Variants in COL11A1 observed in about 807,000 individuals in gnomAD.
COL11A1 encodes collagen alpha-1(XI) chain.
Under a neutral mutation model 265.2 loss-of-function variants are expected in COL11A1, and 74 were observed. The observed-to-expected ratio is 0.28, with a 90% confidence interval of 0.23 to 0.34. The LOEUF (loss-of-function observed/expected upper bound fraction) is 0.34. Ranked by LOEUF, COL11A1 falls within the 10% of genes least tolerant of loss-of-function variation. The pLI is 1.00. For synonymous variants in COL11A1, 816 were observed against 727.6 expected (o/e 1.12, Z -1.96); for missense variants, 2,165 against 2,263.6 (o/e 0.96, Z 0.88).
rs779597073 is a variant in COL11A1, at chr1:102,939,101, G to T, written c.3385-13C>A. On this transcript the variant is annotated splice_polypyrimidine_tract_variant and intron_variant, in intron 43 of 66. Transcript: ENST00000370096. ...CACCAATTTCACCCTGAAATTGAAAGATTTGACTTAGAGTTTATCTCTAAC... is the reference window on the plus strand; with the variant it reads ...CACCAATTTCACCCTGAAATTGAAATATTTGACTTAGAGTTTATCTCTAAC... 7 of 1,612,290 alleles carry T rather than the reference G, an allele frequency of 4.3e-6. No individual in the cohort carries two copies. Among genetic ancestry groups the T allele is most frequent in the South Asian group, 3.3e-5 (3 of 91,046 alleles).
intron 1 of COL11A1, among the ~76,000 whole-genome samples, chr1:103,099,043 TCAA>T (rs1375569172): frequency 6.6e-6 from 1 of 151,786 alleles, no homozygotes; most frequent in Admixed American, 6.6e-5. Context: ...ATTAGCAATG[TCAA>T]CAACGCCCTC....
chr1:103,024,378 T>C (rs992517037), intron 7 of COL11A1, among the ~76,000 whole-genome samples: 8 of 152,200 alleles, frequency 5.3e-5, no homozygotes, highest in Non-Finnish European at 5.9e-5. Context: ...CATTTTTAAG[T>C]AACTCATTTT....
chr1:102,904,576 A>G lies in COL11A1; in HGVS notation c.4087-5582T>C, dbSNP rs376420611. ...AAAAGTGGGTGAAGGATATGAACAG[A>G]CAGTTCTCAAAAGAAGATATTTATG... On this transcript the variant is annotated intron_variant, in intron 54 of 66. Coordinates refer to ENST00000370096, the MANE Select transcript of COL11A1 (RefSeq NM_001854.4). Among the ~76,000 whole-genome samples the G allele has an allele frequency of 4.6e-5, 7 of 152,024 alleles. No homozygotes were observed. The East Asian group carries it at 1.2e-3, about 25-fold the overall frequency.
chr1:103,051,192 C>G (rs544303570), intron 4 of COL11A1, among the ~76,000 whole-genome samples: 2 of 152,284 alleles, frequency 1.3e-5, no homozygotes, highest in South Asian at 2.1e-4. Context: ...TGTGCCCTGC[C>G]CCCAGAGGTG....
In COL11A1 at chr1:102,920,351, G is replaced by A. The variant is rs151195708; in HGVS notation, c.3722C>T (p.Pro1241Leu). 1 of 1,612,992 alleles carries A rather than the reference G, an allele frequency of 6.2e-7. No homozygotes were observed. The highest frequency in any genetic ancestry group is 8.5e-7 in the Non-Finnish European group (1 of 1,179,230). ...ACCAACTGAACCAACAGACCCTGGG[G>A]GTCCTTGTGGTCCCTGCAGTGTAGA... ...GPNGADGPQG[P>L]PGSVGSVGGV... Residue 1241 changes from proline (P) to leucine (L), a missense_variant, in exon 49 of 67, where the codon CCC becomes CTC. Coordinates refer to ENST00000370096, the MANE Select transcript of COL11A1 (RefSeq NM_001854.4).
chr1:102,934,438 G>C lies in COL11A1; in HGVS notation c.3600+11C>G, dbSNP rs747741844. On this transcript the variant is annotated intron_variant, in intron 46 of 66. Transcript: ENST00000370096. ...GAAATGATGGAGTAAACAATGACAGGATCATCTTACCTGAAGACCTATTGG... is the reference window on the plus strand; with the variant it reads ...GAAATGATGGAGTAAACAATGACAGCATCATCTTACCTGAAGACCTATTGG... The C allele has an allele frequency of 1.3e-6, 2 of 1,562,716 alleles. No individual in the cohort carries two copies. The highest frequency in any genetic ancestry group is 1.8e-6 in the Non-Finnish European group (2 of 1,133,120).
At chr1:103,041,460 A>G (rs775297785) in intron 4 of COL11A1, among the ~76,000 whole-genome samples, 5 of 151,630 alleles carry the variant, frequency 3.3e-5, no homozygotes, top group Non-Finnish European at 7.4e-5. Flanking sequence ...TTGCATTTCT[A>G]TATATTTATT....
intron 4 of COL11A1, among the ~76,000 whole-genome samples, chr1:103,035,080 A>T (rs1364221597): frequency 2.6e-5 from 4 of 151,912 alleles, no homozygotes; most frequent in Non-Finnish European, 5.9e-5. Flanking sequence ...CACTTTCAAC[A>T]CTCCTACAGT....
At chr1:102,934,615 T>C in intron 45 of COL11A1, 59 bp from the exon 46 acceptor site, 1 of 1,332,412 alleles carries the variant, frequency 7.5e-7, no homozygotes, top group Non-Finnish European at 1.1e-6. Context: ...ATATGAGTCA[T>C]TAAAAAATGT....
intron 20 of COL11A1, 56 bp downstream of exon 20, chr1:103,004,388 G>C: frequency 7.9e-7 from 1 of 1,269,190 alleles, no homozygotes; most frequent in Non-Finnish European, 1.1e-6. Flanking sequence ...TGTAACACCA[G>C]TCACTAGTCC....
At chr1:103,039,864 A>T (rs1557982846) in intron 4 of COL11A1, among the ~76,000 whole-genome samples, 2 of 152,136 alleles carry the variant, frequency 1.3e-5, no homozygotes, top group African/African-American at 2.4e-5. Flanking sequence ...GACTATATCC[A>T]GGGTCCGGTA....
chr1:103,095,620 A>G (rs1037004960), intron 1 of COL11A1, among the ~76,000 whole-genome samples: 1 of 152,044 alleles, frequency 6.6e-6, no homozygotes, highest in African/African-American at 2.4e-5. Flanking sequence ...GTCTCAACAA[A>G]GGGATCTTTT....
At chr1:103,046,169 T>A (rs1030971080) in intron 4 of COL11A1, among the ~76,000 whole-genome samples, 1 of 150,522 alleles carries the variant, frequency 6.6e-6, no homozygotes, top group Admixed American at 6.7e-5. Context: ...GTATTTCTAG[T>A]TCTAGATCCC....
chr1:102,892,695 A>G (rs897687523), intron 57 of COL11A1, among the ~76,000 whole-genome samples: 6 of 152,160 alleles, frequency 3.9e-5, no homozygotes, highest in Admixed American at 3.9e-4. Flanking sequence ...GTTAATATAA[A>G]TTAGCCCTTG....
chr1:102,909,988 TATA>T (rs756870208), intron 54 of COL11A1, among the ~76,000 whole-genome samples: 2 of 152,032 alleles, frequency 1.3e-5, no homozygotes, highest in African/African-American at 4.8e-5. Flanking sequence ...TTTGAAAGTT[TATA>T]ATATCAATAG....
chr1:102,930,193 GT>G (rs1203422972), intron 46 of COL11A1, among the ~76,000 whole-genome samples: 1 of 151,850 alleles, frequency 6.6e-6, no homozygotes, highest in African/African-American at 2.4e-5. Flanking sequence ...AATACTTCCA[GT>G]TTTTGCCCAT....
chr1:102,973,469 T>C (rs1431566058), intron 36 of COL11A1, among the ~76,000 whole-genome samples: 1 of 152,154 alleles, frequency 6.6e-6, no homozygotes, highest in Non-Finnish European at 1.5e-5. Context: ...CATACAAACA[T>C]AAATGGTACA....
At chr1:102,912,710 C>T (rs568170100) in intron 53 of COL11A1, among the ~76,000 whole-genome samples, 1 of 152,242 alleles carries the variant, frequency 6.6e-6, no homozygotes, top group African/African-American at 2.4e-5. Flanking sequence ...CCCCATGTAT[C>T]CTGAGAGGGA....
intron 30 of COL11A1, 124 bp downstream of exon 30, chr1:102,987,508 TA>T: frequency 1.3e-6 from 1 of 781,878 alleles, no homozygotes; most frequent in South Asian, 1.5e-5. Context: ...TTTAAAATGA[TA>T]ATGAAACATT....
Sources: allele counts gnomAD v4.1 joint callset (sites outside exome capture counted in the v4.1 genomes callset), GRCh38; gene constraint gnomAD v4.1.1; transcripts MANE v1.5; gene names NCBI Gene and HGNC (gene_info 2026-07-23, HGNC 2026-07-21).